STAT3: variants seen among roughly 807,000 people sequenced by gnomAD.
The protein encoded by STAT3 is DNA-binding protein APRF.
Under a neutral mutation model 114.3 loss-of-function variants are expected in STAT3, and 7 were observed. The observed-to-expected ratio is 0.06, with a 90% confidence interval of 0.03 to 0.11. The LOEUF (loss-of-function observed/expected upper bound fraction) is 0.11, where lower values mean the gene tolerates loss of function less well. STAT3 is among the 10% of genes least tolerant of loss of function. The pLI is 1.00. For missense variants in STAT3, 364 were observed against 960.9 expected (o/e 0.38, Z 8.21); for synonymous variants, 331 against 354.5 (o/e 0.93, Z 0.74).
At chr17:42,362,493 A>G (rs924784734) in intron 1 of STAT3, among the ~76,000 whole-genome samples, 3 of 152,210 alleles carry the variant, frequency 2.0e-5, no homozygotes, top group African/African-American at 7.2e-5. Flanking sequence ...CCACACCCCT[A>G]CTTAAAACCC....
intron 1 of STAT3, among the ~76,000 whole-genome samples, chr17:42,381,460 T>TC (rs2084790399): frequency 1.3e-5 from 2 of 152,258 alleles, no homozygotes; most frequent in African/African-American, 4.8e-5. Context: ...GCGTGCTGGC[T>TC]CACGCCTGTA....
chr17:42,332,669 C>A (rs2144815301), intron 10 of STAT3, among the ~76,000 whole-genome samples: 1 of 151,662 alleles, frequency 6.6e-6, no homozygotes, highest in African/African-American at 2.4e-5. Flanking sequence ...ATGGAGAAAC[C>A]CTGTCTCTAC....
At chr17:42,323,388 C>G in intron 18 of STAT3, 34 bp from the exon 19 acceptor site, 1 of 1,609,778 alleles carries the variant, frequency 6.2e-7, no homozygotes, top group Non-Finnish European at 8.5e-7. Context: ...GCCAAGTCTA[C>G]TGCCATCCCA....
chr17:42,350,386 ATCC>A (rs1318044787), intron 1 of STAT3, among the ~76,000 whole-genome samples: 1 of 152,186 alleles, frequency 6.6e-6, no homozygotes, highest in African/African-American at 2.4e-5. Flanking sequence ...GGCTCAGGCA[ATCC>A]TCCTACCTCA....
chr17:42,331,935 C>T (rs986817683), intron 10 of STAT3, among the ~76,000 whole-genome samples: 4 of 143,836 alleles, frequency 2.8e-5, no homozygotes, highest in African/African-American at 5.0e-5. Flanking sequence ...CTCTCTTTCT[C>T]TTTTTTTTTT....
intron 4 of STAT3, among the ~76,000 whole-genome samples, chr17:42,343,514 G>A (rs1265686427): frequency 1.4e-5 from 2 of 147,556 alleles, no homozygotes; most frequent in Non-Finnish European, 3.0e-5. Flanking sequence ...GAGTGCAGTG[G>A]CGCAATCTTG....
At position 42,337,739 on chromosome 17, in the gene STAT3, A is replaced by T. The variant is rs933262921; in HGVS notation, c.645+24T>A. 15 of 1,613,904 alleles carry T rather than the reference A, an allele frequency of 9.3e-6. No homozygotes were observed. Among genetic ancestry groups the T allele is most frequent in the Non-Finnish European group, 1.3e-5 (15 of 1,179,894 alleles). On this transcript the variant is annotated intron_variant, in intron 7 of 23. Transcript: ENST00000264657. This position sits in a 1 kb window ranked among gnomAD's most constrained non-coding sequence, Gnocchi z 4.0. ...CGCAAGTGAGCGAGACACATGGGGGAAGTGGTCCGACCTATGCCCTTACTC... is the reference window on the plus strand; with the variant it reads ...CGCAAGTGAGCGAGACACATGGGGGTAGTGGTCCGACCTATGCCCTTACTC...
At chr17:42,370,769 ATT>A (rs544951035) in intron 1 of STAT3, among the ~76,000 whole-genome samples, 28 of 134,122 alleles carry the variant, frequency 2.1e-4, no homozygotes, top group Middle Eastern at 4.2e-3. Context: ...CACCCAGCTA[ATT>A]TTTTTTTTTT....
chr17:42,366,670 CAAAAAAAAAA>C (rs34003618), intron 1 of STAT3, among the ~76,000 whole-genome samples: 1 of 57,634 alleles, frequency 1.7e-5, no homozygotes, highest in Non-Finnish European at 3.3e-5. Context: ...GATCCTGTCT[CAAAAAAAAAA>C]AAAAAAAAAA....
In STAT3 at chr17:42,324,601, G is replaced by C; in HGVS notation, c.1600+110C>G. The stretch of plus-strand genomic sequence containing the variant: ...GGCACCAGCACAGCGCCTTGCTCAG[G>C]AAAGAAACATGGCCTAATGCTCAGT... On this transcript the variant is annotated intron_variant, in intron 17 of 23. Transcript: ENST00000264657. The surrounding 1 kb of genome is among the most constrained non-coding windows in gnomAD (Gnocchi z 4.5). 1 of 1,446,684 alleles carries C rather than the reference G, an allele frequency of 6.9e-7. No individual in the cohort carries two copies. 89.6% of individuals were successfully genotyped at this position (1,446,684 alleles called of 1,614,324 possible).
rs1014511010 is a variant in STAT3 at position 42,384,354 on chromosome 17, T to C, written c.-24+3925A>G. On this transcript the variant is annotated intron_variant, in intron 1 of 23. Coordinates refer to ENST00000264657, the MANE Select transcript of STAT3 (RefSeq NM_139276.3). ...ACCGTGTTAGCCAGGATGGTCTCGATCTCCTGGCCTCGTGATCCGCGCGTC... is the reference window on the plus strand; with the variant it reads ...ACCGTGTTAGCCAGGATGGTCTCGACCTCCTGGCCTCGTGATCCGCGCGTC... 3.9e-5 allele frequency among the ~76,000 whole-genome samples: 6 copies of C among 151,980 alleles called. No homozygotes were observed. The East Asian group carries it at 1.2e-3, about 29-fold the overall frequency.
In STAT3 at chr17:42,333,768, G is replaced by A. The variant is rs769687686; in HGVS notation, c.957-3C>T. The A allele has an allele frequency of 6.2e-7, 1 of 1,614,234 alleles. No homozygotes were observed. The highest frequency in any genetic ancestry group is 8.5e-7 in the Non-Finnish European group (1 of 1,180,048). The stretch of plus-strand genomic sequence containing the variant: ...GCTGCCGCTCCACCACAAAGGCACT[G>A]AGGAAAGAGAAGATGGGCTCACGCG... On this transcript the variant is annotated splice_region_variant and splice_polypyrimidine_tract_variant and intron_variant, in intron 9 of 23. Coordinates refer to ENST00000264657, the MANE Select transcript of STAT3 (RefSeq NM_139276.3). This position sits in a 1 kb window ranked among gnomAD's most constrained non-coding sequence, Gnocchi z 5.2.
At chr17:42,346,773 G>C in intron 2 of STAT3, 60 bp from the exon 3 acceptor site, 1 of 1,611,988 alleles carries the variant, frequency 6.2e-7, no homozygotes, top group Non-Finnish European at 8.5e-7. Flanking sequence ...CACAAACACA[G>C]AAATCACCAT....
Position 42,346,640 on chromosome 17 carries a change from A to G in STAT3, c.202T>C (p.Tyr68His), listed in dbSNP as rs1187104418. ...HNLLGEIDQQ[Y>H]SRFLQESNVL... ...TTCGACTCTTGCAGGAAGCGGCTAT[A>G]CTGCTGGTCAATCTCTCCCAGGAGA... is the stretch of plus-strand genomic sequence containing the variant. Residue 68 changes from tyrosine to histidine, a missense_variant, in exon 3 of 24, where the codon TAT becomes CAT. By Grantham distance (83) the Tyr-to-His change is moderately conservative. This residue lies in a region of STAT3 where 294 missense variants were observed against 745.1 expected (regional missense o/e 0.39). Coordinates refer to ENST00000264657, the MANE Select transcript of STAT3 (RefSeq NM_139276.3). The G allele has an allele frequency of 1.9e-6, 3 of 1,614,050 alleles. No homozygotes were observed. The highest frequency in any genetic ancestry group is 2.5e-6 in the Non-Finnish European group (3 of 1,180,042).
At chr17:42,386,842 A>G (rs1196309419) in intron 1 of STAT3, 1 of 152,152 alleles carries the variant, frequency 6.6e-6, no homozygotes, top group African/African-American at 2.4e-5. Flanking sequence ...TTTTTTTTAA[A>G]TTCCAGACTT....
At chr17:42,370,065 G>C (rs1332175931) in intron 1 of STAT3, among the ~76,000 whole-genome samples, 1 of 151,826 alleles carries the variant, frequency 6.6e-6, no homozygotes, top group African/African-American at 2.4e-5. Context: ...TCCACCTCCT[G>C]GTTCAAGCGA....
intron 4 of STAT3, among the ~76,000 whole-genome samples, chr17:42,341,950 T>C (rs2082459949): frequency 6.6e-6 from 1 of 152,108 alleles, no homozygotes; most frequent in Non-Finnish European, 1.5e-5. Flanking sequence ...GAAAACATCC[T>C]TGGGATAACT....
chr17:42,342,754 T>C (rs562596395), intron 4 of STAT3, among the ~76,000 whole-genome samples: 2 of 152,206 alleles, frequency 1.3e-5, no homozygotes, highest in South Asian at 4.1e-4. Flanking sequence ...AGTTGGCCCC[T>C]TGTGGTAAAC....
chr17:42,333,675 G>A lies in STAT3; in HGVS notation c.1047C>T (p.Val349=), dbSNP rs779464807. ...IKTGVQFTTK[V]RLLVKFPELN... The stretch of plus-strand genomic sequence containing the variant: ...GAAATGGAAGTGGCATGGCCTACCT[G>A]ACTTTAGTAGTGAACTGGACGCCGG... Residue 349 remains valine (V), a splice_region_variant and synonymous_variant, in exon 10 of 24, where the codon GTC becomes GTT. Transcript: ENST00000264657. The surrounding 1 kb of genome is among the most constrained non-coding windows in gnomAD (Gnocchi z 5.2). The A allele has an allele frequency of 2.5e-6, 4 of 1,614,012 alleles. No homozygotes were observed. The highest frequency in any genetic ancestry group is 2.5e-6 in the Non-Finnish European group (3 of 1,179,956).
Sources: allele counts gnomAD v4.1 joint callset (sites outside exome capture counted in the v4.1 genomes callset), GRCh38; gene constraint gnomAD v4.1.1; regional missense constraint gnomAD v4.1.1; non-coding constraint Gnocchi (gnomAD v3.1); transcripts MANE v1.5; gene names NCBI Gene and HGNC (gene_info 2026-07-23, HGNC 2026-07-21).